Variants in ZNF658 observed in about 807,000 individuals in gnomAD.
ZNF658 encodes the protein zinc finger protein 658.
In ZNF658, 46 loss-of-function variants were observed where a neutral mutation model predicts 78.0. That is an observed-to-expected ratio of 0.59 (90% CI 0.47 to 0.75). The LOEUF (loss-of-function observed/expected upper bound fraction) is 0.75. Among genes scored for constraint, ZNF658 ranks in the 30% least tolerant of loss-of-function variants. The pLI is 0.00. For synonymous variants in ZNF658, 279 were observed against 408.4 expected (o/e 0.68, Z 3.82); for missense variants, 785 against 1,189.3 (o/e 0.66, Z 5.00).
chr9:66,905,050 C>CT (rs1564168780), intron 2 of ZNF658, among the ~76,000 whole-genome samples: 18 of 72,344 alleles, frequency 2.5e-4, no homozygotes, highest in Admixed American at 4.2e-4. Context: ...TTTCTTTTTT[C>CT]TTTTCTCTTT....
chr9:66,906,326 TG>T (rs1822079105), intron 2 of ZNF658, among the ~76,000 whole-genome samples: 2 of 150,200 alleles, frequency 1.3e-5, no homozygotes, highest in South Asian at 4.3e-4. Flanking sequence ...ATCACAGCCC[TG>T]GGCATATGCT....
chr9:66,923,233 C>T (rs1229202199), downstream of ZNF658, among the ~76,000 whole-genome samples: 1 of 151,488 alleles, frequency 6.6e-6, no homozygotes, highest in Non-Finnish European at 1.5e-5. Flanking sequence ...ATGTTCAAAG[C>T]CAGGAAGCAT....
chr9:66,908,499 A>T, intron 3 of ZNF658, 135 bp downstream of exon 3: 3 of 1,475,782 alleles, frequency 2.0e-6, no homozygotes, highest in Non-Finnish European at 2.7e-6. Flanking sequence ...CTTTACAGAA[A>T]CAAAAGCAAC....
chr9:66,901,859 G>A (rs1188171985), intron 1 of ZNF658, among the ~76,000 whole-genome samples: 5 of 152,008 alleles, frequency 3.3e-5, no homozygotes, highest in Admixed American at 1.3e-4. Context: ...CAGGAGAATC[G>A]CTCGAACCCG....
chr9:66,923,035 G>C (rs569612444), downstream of ZNF658, among the ~76,000 whole-genome samples: 2,002 of 151,710 alleles, frequency 0.013, 24 homozygotes, highest in Non-Finnish European at 0.021. Flanking sequence ...AGTATACACT[G>C]TCACAAGGTG....
intron 2 of ZNF658, among the ~76,000 whole-genome samples, chr9:66,905,984 A>T (rs1822071261): frequency 6.7e-6 from 1 of 150,026 alleles, no homozygotes. Flanking sequence ...ATACATTTTA[A>T]ATAAGGTGGC....
chr9:66,920,853 T>TG lies in ZNF658; in HGVS notation c.*109dup, dbSNP rs1822508998. On this transcript the variant is annotated 3_prime_UTR_variant, in exon 5 of 5. Transcript: ENST00000621410. The stretch of plus-strand genomic sequence containing the variant: ...CCTTTTTCATTAGGCTCATAGTTTG[T>TG]GGAAAAATCCCAATATGCCGTTTAT... The TG allele has an allele frequency of 1.5e-6, 1 of 680,100 alleles. No homozygotes were observed. Among genetic ancestry groups the TG allele is most frequent in the Non-Finnish European group, 2.6e-6 (1 of 377,774 alleles). The allele number at this position is 680,100 out of a possible 1,614,324, so 42.1% of individuals were successfully genotyped here. A position where few individuals can be genotyped will look rare whatever the true frequency, so the allele number is the denominator to read the frequency against.
intron 4 of ZNF658, among the ~76,000 whole-genome samples, chr9:66,912,904 C>T (rs1287764391): frequency 4.0e-5 from 6 of 151,694 alleles, no homozygotes; most frequent in Non-Finnish European, 8.8e-5. Flanking sequence ...AAAAATTAGC[C>T]AATCATGGTG....
At chr9:66,906,210 T>G (rs1020096684) in intron 2 of ZNF658, among the ~76,000 whole-genome samples, 4,793 of 148,714 alleles carry the variant, frequency 0.032, 155 homozygotes, top group East Asian at 0.21. Flanking sequence ...TCCAGGCAAT[T>G]TATAACCCCA....
At chr9:66,905,468 G>A (rs1822058832) in intron 2 of ZNF658, among the ~76,000 whole-genome samples, 1 of 151,388 alleles carries the variant, frequency 6.6e-6, no homozygotes, top group Non-Finnish European at 1.5e-5. Context: ...GGGTTTTTTG[G>A]CCATTACTAC....
intron 1 of ZNF658, among the ~76,000 whole-genome samples, chr9:66,902,259 A>T (rs2117929205): frequency 6.8e-6 from 1 of 146,780 alleles, no homozygotes; most frequent in African/African-American, 2.6e-5. Flanking sequence ...AGTCCTAGGG[A>T]CTACTGCCAT....
intron 4 of ZNF658, among the ~76,000 whole-genome samples, chr9:66,910,834 G>A (rs1280817867): frequency 1.4e-5 from 2 of 143,652 alleles, no homozygotes; most frequent in African/African-American, 5.2e-5. Flanking sequence ...TAAAGTTGTT[G>A]AGTCAATAAA....
intron 4 of ZNF658, among the ~76,000 whole-genome samples, chr9:66,913,426 G>A (rs574206755): frequency 1.5e-5 from 2 of 136,708 alleles, no homozygotes; most frequent in African/African-American, 6.5e-5. Flanking sequence ...TGTCTCAAAA[G>A]GAAGGAAAAA....
At chr9:66,922,005 C>T (rs925145645), downstream of ZNF658, among the ~76,000 whole-genome samples, 3 of 91,858 alleles carry the variant, frequency 3.3e-5, no homozygotes, top group African/African-American at 7.9e-5. Flanking sequence ...CCACCCAGTT[C>T]GAGCTTCCTG....
intron 4 of ZNF658, among the ~76,000 whole-genome samples, chr9:66,917,348 G>C (rs147883068): frequency 0.011 from 1,699 of 148,308 alleles, 24 homozygotes; most frequent in Non-Finnish European, 0.017. Flanking sequence ...TGGATGAGGA[G>C]AGAGTCTGTC....
Position 66,918,388 on chromosome 9 carries a change from A to C in ZNF658, c.822A>C (p.Glu274Asp). The C allele has an allele frequency of 6.2e-7, 1 of 1,613,840 alleles. No homozygotes were observed. The highest frequency in any genetic ancestry group is 1.1e-5 in the South Asian group (1 of 91,066). ...DTRGKCSDLNEYGTSCDKTTA... is the reference protein window; with the variant it reads ...DTRGKCSDLNDYGTSCDKTTA... ...GGGGGAAATGCTCTGATCTTAATGA[A>C]TATGGGACATCCTGTGACAAAACCA... The change falls in exon 5 of 5, where the codon GAA becomes GAC. Residue 274 changes from glutamate (E) to aspartate (D), a missense_variant. This residue lies in a region of ZNF658 where 393 missense variants were observed against 400.2 expected (regional missense o/e 0.98). Coordinates refer to ENST00000621410, the MANE Select transcript of ZNF658 (RefSeq NM_033160.7).
chr9:66,910,981 T>A (rs1822203022), intron 4 of ZNF658, among the ~76,000 whole-genome samples: 1 of 151,374 alleles, frequency 6.6e-6, no homozygotes, highest in African/African-American at 2.4e-5. Context: ...CTGCACCAAA[T>A]AATATAATAT....
At chr9:66,928,830 C>A (rs1587373850) in intron 6 of ZNF658, among the ~76,000 whole-genome samples, 2 of 148,602 alleles carry the variant, frequency 1.3e-5, no homozygotes, top group Non-Finnish European at 3.0e-5. Flanking sequence ...AGAAGGCTTG[C>A]CAAAGGGCAA....
At chr9:66,922,915 T>A (rs1587371508), downstream of ZNF658, among the ~76,000 whole-genome samples, 1 of 150,776 alleles carries the variant, frequency 6.6e-6, no homozygotes, top group East Asian at 2.0e-4. Flanking sequence ...CATGAATCAG[T>A]ACATGTAAGA....
Sources: allele counts gnomAD v4.1 joint callset (sites outside exome capture counted in the v4.1 genomes callset), GRCh38; gene constraint gnomAD v4.1.1; regional missense constraint gnomAD v4.1.1; transcripts MANE v1.5; gene names NCBI Gene and HGNC (gene_info 2026-07-23, HGNC 2026-07-21).